CSMD1: variants seen among roughly 807,000 people sequenced by gnomAD.
CSMD1 encodes the protein CUB and sushi domain-containing protein 1.
Under a neutral mutation model 417.5 loss-of-function variants are expected in CSMD1, and 213 were observed. That is an observed-to-expected ratio of 0.51 (90% confidence interval 0.46 to 0.57). CSMD1 has a LOEUF of 0.57. CSMD1 is among the 20% of genes least tolerant of loss of function. CSMD1 has a pLI of 0.00. For synonymous variants in CSMD1, 2,862 were observed against 1,736.8 expected, an observed-to-expected ratio of 1.65 and a Z score of -16.11; for missense variants, 6,923 against 4,529.7, an observed-to-expected ratio of 1.53 and a Z score of -15.17.
intron 3 of CSMD1, among the ~76,000 whole-genome samples, chr8:4,410,423 CTT>C (rs1796586547): frequency 6.6e-6 from 1 of 152,154 alleles, no homozygotes; most frequent in Non-Finnish European, 1.5e-5. Context: ...TTCCCTAACA[CTT>C]TGCATTTCTA....
At chr8:3,263,649 C>A (rs941709494) in intron 26 of CSMD1, among the ~76,000 whole-genome samples, 2 of 151,968 alleles carry the variant, frequency 1.3e-5, no homozygotes, top group Admixed American at 1.3e-4. Context: ...TATAGTTACC[C>A]AAATTAGAAA....
In CSMD1 at chr8:4,855,168, C is replaced by T. The variant is rs533507851; in HGVS notation, c.85+139164G>A. Among the ~76,000 whole-genome samples the T allele has an allele frequency of 5.3e-5, 8 of 150,572 alleles. 1 individual carries two copies. Among genetic ancestry groups the T allele is most frequent in the East Asian group, 4.5e-4 (2 of 4,492 alleles). Reference sequence around the variant, plus strand: ...AGCAGGGGCACACTGACACCTCACACGGCAGGGTACTCCAACAGACCTGCA... The same window carrying T: ...AGCAGGGGCACACTGACACCTCACATGGCAGGGTACTCCAACAGACCTGCA... On this transcript the variant is annotated intron_variant, in intron 1 of 69. Transcript: ENST00000635120.
chr8:3,482,773 G>C (rs1012392363), intron 11 of CSMD1, among the ~76,000 whole-genome samples: 9 of 152,122 alleles, frequency 5.9e-5, no homozygotes, highest in Admixed American at 4.6e-4. Flanking sequence ...AAATCATAGA[G>C]AATTTGTTCT....
At chr8:2,960,442 T>G (rs1803357862) in intron 62 of CSMD1, among the ~76,000 whole-genome samples, 1 of 152,176 alleles carries the variant, frequency 6.6e-6, no homozygotes, top group South Asian at 2.1e-4. Context: ...ATAATTAACT[T>G]TTGTTTTCAA....
intron 1 of CSMD1, among the ~76,000 whole-genome samples, chr8:4,713,326 G>C (rs569546034): frequency 6.6e-6 from 1 of 152,326 alleles, no homozygotes; most frequent in South Asian, 2.1e-4. Context: ...CCATCCGGTG[G>C]TGTGGTGTCT....
intron 12 of CSMD1, among the ~76,000 whole-genome samples, chr8:3,437,614 C>T (rs1005967588): frequency 6.6e-6 from 1 of 152,142 alleles, no homozygotes; most frequent in Non-Finnish European, 1.5e-5. Context: ...AGAGTAGATT[C>T]TCTTCTTTAC....
intron 12 of CSMD1, among the ~76,000 whole-genome samples, chr8:3,422,800 G>A (rs1404549868): frequency 6.6e-6 from 1 of 152,204 alleles, no homozygotes; most frequent in East Asian, 1.9e-4. Context: ...AGGCTAGGAA[G>A]ATCAAGATAA....
chr8:3,674,150 T>C (rs1169376764), intron 7 of CSMD1, among the ~76,000 whole-genome samples: 1 of 152,148 alleles, frequency 6.6e-6, no homozygotes, highest in Non-Finnish European at 1.5e-5. Flanking sequence ...TTTGTCAATG[T>C]TGAGCAACAT....
chr8:3,206,482 GTA>G (rs1161983152), intron 30 of CSMD1, among the ~76,000 whole-genome samples: 1 of 15,484 alleles, frequency 6.5e-5, no homozygotes, highest in Non-Finnish European at 1.8e-4. Context: ...GTCTGTGCGT[GTA>G]TGTGTGTGTG....
chr8:3,192,804 C>T (rs1213090642), intron 33 of CSMD1, among the ~76,000 whole-genome samples: 1 of 152,108 alleles, frequency 6.6e-6, no homozygotes, highest in Non-Finnish European at 1.5e-5. Context: ...CAAAACAAAG[C>T]AGATTTGGAG....
chr8:3,402,610 G>T (rs1585111111), intron 15 of CSMD1, among the ~76,000 whole-genome samples: 1 of 152,078 alleles, frequency 6.6e-6, no homozygotes, highest in Non-Finnish European at 1.5e-5. Context: ...TAAAAAAATT[G>T]CTCTATTGTG....
chr8:3,892,869 A>G (rs1237431976), intron 5 of CSMD1, among the ~76,000 whole-genome samples: 1 of 151,998 alleles, frequency 6.6e-6, no homozygotes, highest in Non-Finnish European at 1.5e-5. Flanking sequence ...GACACAGAGC[A>G]GGTGAGTGGA....
intron 2 of CSMD1, among the ~76,000 whole-genome samples, chr8:4,540,985 A>C (rs1797354818): frequency 6.6e-6 from 1 of 152,226 alleles, no homozygotes; most frequent in African/African-American, 2.4e-5. Context: ...AAAGGGTCTG[A>C]AACATGAAAA....
rs1328012930 is a variant in CSMD1 at position 4,145,756 on chromosome 8, T to A, written c.416-113657A>T. Among the ~76,000 whole-genome samples the A allele has an allele frequency of 2.6e-5, 4 of 151,152 alleles. No individual in the cohort carries two copies. The East Asian group carries it at 7.7e-4, about 29-fold the overall frequency. ...CCAAGGAACCAAAGTCAACACTGAT[T>A]CCCTGCAGGTTCTGCGTCAGCTCGC... On this transcript the variant is annotated intron_variant, in intron 3 of 69. Transcript: ENST00000635120.
intron 3 of CSMD1, among the ~76,000 whole-genome samples, chr8:4,346,286 G>A (rs1157517013): frequency 6.6e-6 from 1 of 152,106 alleles, no homozygotes; most frequent in Admixed American, 6.5e-5. Flanking sequence ...GCACATGAAA[G>A]ATACACATAA....
At chr8:3,578,621 G>T (rs1800251870) in intron 9 of CSMD1, among the ~76,000 whole-genome samples, 2 of 152,286 alleles carry the variant, frequency 1.3e-5, no homozygotes, top group Admixed American at 6.5e-5. Context: ...ATAGACGTAT[G>T]AAAGTTTATC....
intron 4 of CSMD1, among the ~76,000 whole-genome samples, chr8:4,017,449 G>C (rs549713682): frequency 6.6e-6 from 1 of 152,176 alleles, no homozygotes; most frequent in African/African-American, 2.4e-5. Context: ...TAGGATTACA[G>C]GCATGCACCA....
chr8:3,779,706 G>A (rs183034065), intron 5 of CSMD1, among the ~76,000 whole-genome samples: 56 of 152,056 alleles, frequency 3.7e-4, no homozygotes, highest in African/African-American at 1.1e-3. Context: ...ACTATCTAGC[G>A]CATATTTTAT....
At chr8:3,559,608 C>T (rs950423334) in intron 10 of CSMD1, among the ~76,000 whole-genome samples, 14 of 152,162 alleles carry the variant, frequency 9.2e-5, no homozygotes, top group African/African-American at 3.4e-4. Flanking sequence ...TAAGTACCCA[C>T]AATTACAATC....
Sources: allele counts gnomAD v4.1 joint callset (sites outside exome capture counted in the v4.1 genomes callset), GRCh38; gene constraint gnomAD v4.1.1; transcripts MANE v1.5; gene names NCBI Gene and HGNC (gene_info 2026-07-23, HGNC 2026-07-21).